SPPL2A: variants seen among roughly 807,000 people sequenced by gnomAD.
SPPL2A encodes signal peptide peptidase like 2A, also known as signal peptide peptidase-like 2A.
A neutral mutation model predicts 63.8 loss-of-function variants in SPPL2A; 51 were observed. That is an observed-to-expected ratio of 0.80 (90% CI 0.64 to 1.01). The LOEUF (loss-of-function observed/expected upper bound fraction) is 1.01. SPPL2A is among the 50% of genes least tolerant of loss of function. SPPL2A has a pLI of 0.00. For synonymous variants in SPPL2A, 188 were observed against 205.8 expected (o/e 0.91, Z 0.74); for missense variants, 553 against 622.7 (o/e 0.89, Z 1.19).
intron 14 of SPPL2A, among the ~76,000 whole-genome samples, chr15:50,715,648 A>C (rs2062594298): frequency 6.6e-6 from 1 of 152,176 alleles, no homozygotes; most frequent in South Asian, 2.1e-4. Context: ...TCCCATTTTT[A>C]CTTTAGACAC....
chr15:50,735,547 A>C (rs2078740391), intron 8 of SPPL2A, among the ~76,000 whole-genome samples: 2 of 33,248 alleles, frequency 6.0e-5, no homozygotes, highest in Non-Finnish European at 1.2e-4. Context: ...ATATACATAC[A>C]CACACACACA....
chr15:50,761,441 C>A (rs2063010682), intron 1 of SPPL2A, among the ~76,000 whole-genome samples: 1 of 151,818 alleles, frequency 6.6e-6, no homozygotes, highest in Non-Finnish European at 1.5e-5. Context: ...TGTGGAGAAA[C>A]CCCCGTCTCT....
At chr15:50,761,362 AC>A (rs1394551719) in intron 1 of SPPL2A, among the ~76,000 whole-genome samples, 3 of 152,104 alleles carry the variant, frequency 2.0e-5, no homozygotes, top group Admixed American at 1.3e-4. Context: ...CACACCTGCA[AC>A]CCCACACTTT....
At chr15:50,735,789 C>T (rs1030087696) in intron 8 of SPPL2A, among the ~76,000 whole-genome samples, 1 of 152,088 alleles carries the variant, frequency 6.6e-6, no homozygotes, top group African/African-American at 2.4e-5. Flanking sequence ...GTTGGTCAGG[C>T]TGGTCTCAAA....
Position 50,736,055 on chromosome 15 carries a change from A to C in SPPL2A, c.932+46T>G, listed in dbSNP as rs149333056. 518 of 1,251,870 alleles carry C rather than the reference A, an allele frequency of 4.1e-4. 3 individuals are homozygous for C. In the African/African-American group the frequency reaches 6.8e-3, roughly 16 times the overall value. The allele number at this position is 1,251,870 out of a possible 1,614,324, so 77.5% of individuals were successfully genotyped here. A position where few individuals can be genotyped will look rare whatever the true frequency, so the allele number is the denominator to read the frequency against. On this transcript the variant is annotated intron_variant, in intron 8 of 14. Coordinates refer to ENST00000261854, the MANE Select transcript of SPPL2A (RefSeq NM_032802.4). ...TAATAAGTATCAGGGCAAGATAGGAAACAATTCATCCTTAATCTAAAAGCA... is the reference window on the plus strand; with the variant it reads ...TAATAAGTATCAGGGCAAGATAGGACACAATTCATCCTTAATCTAAAAGCA...
chr15:50,720,158 T>A lies in SPPL2A; in HGVS notation c.1328-58A>T, dbSNP rs557267576. ...CTACATGTTACCAAAGGTGGGTTTTTTCCTCTGTCATTTATGTACTGGTTT... is the reference window on the plus strand; with the variant it reads ...CTACATGTTACCAAAGGTGGGTTTTATCCTCTGTCATTTATGTACTGGTTT... On this transcript the variant is annotated intron_variant, in intron 13 of 14. Coordinates refer to ENST00000261854, the MANE Select transcript of SPPL2A (RefSeq NM_032802.4). The A allele has an allele frequency of 1.6e-5, 23 of 1,409,498 alleles. No individual in the cohort carries two copies. The African/African-American group carries it at 2.6e-4, about 16-fold the overall frequency. The allele number at this position is 1,409,498 out of a possible 1,614,324, so 87.3% of individuals were successfully genotyped here. A position where few individuals can be genotyped will look rare whatever the true frequency, so the allele number is the denominator to read the frequency against.
chr15:50,731,322 C>T (rs768477516), intron 9 of SPPL2A, among the ~76,000 whole-genome samples: 4 of 150,704 alleles, frequency 2.7e-5, no homozygotes, highest in African/African-American at 4.9e-5. Flanking sequence ...TGAGGCGGGG[C>T]GGATCACGAG....
chr15:50,733,728 C>T (rs1360133396), intron 8 of SPPL2A, among the ~76,000 whole-genome samples: 1 of 151,914 alleles, frequency 6.6e-6, no homozygotes, highest in African/African-American at 2.4e-5. Flanking sequence ...GAAGAAACAA[C>T]CCACAGAATG....
chr15:50,736,283 C>A, intron 7 of SPPL2A, 81 bp from the exon 8 acceptor site: 1 of 838,636 alleles, frequency 1.2e-6, no homozygotes. Context: ...ATATTAACCA[C>A]AGTCATAAGA....
intron 1 of SPPL2A, among the ~76,000 whole-genome samples, chr15:50,760,359 C>T (rs1380800301): frequency 1.3e-5 from 2 of 152,114 alleles, no homozygotes; most frequent in East Asian, 3.8e-4. Flanking sequence ...CTCCTGGGTT[C>T]CAGTGATTCT....
intron 8 of SPPL2A, among the ~76,000 whole-genome samples, chr15:50,733,223 T>A (rs2062744588): frequency 6.6e-6 from 1 of 152,110 alleles, no homozygotes; most frequent in African/African-American, 2.4e-5. Flanking sequence ...ACTTACTCCA[T>A]CAGAAATTGA....
Position 50,749,708 on chromosome 15 carries a change from A to G in SPPL2A, c.105T>C (p.Asn35=). 6.2e-7 allele frequency: 1 copy of G among 1,613,822 alleles called. No homozygotes were observed. The stretch of plus-strand genomic sequence containing the variant: ...GCATGCAGTAGTCCTTGGTTGTGCC[A>G]TTTCCAGACGCATGCAAGATTGCTT... ...AQEAILHASG[N]GTTKDYCMLY... Residue 35 remains asparagine, a synonymous_variant, in exon 2 of 15, where the codon AAT becomes AAC. Coordinates refer to ENST00000261854, the MANE Select transcript of SPPL2A (RefSeq NM_032802.4).
At chr15:50,723,380 G>C (rs947539645) in intron 12 of SPPL2A, among the ~76,000 whole-genome samples, 1 of 152,060 alleles carries the variant, frequency 6.6e-6, no homozygotes, top group Non-Finnish European at 1.5e-5. Context: ...AGCATTATTC[G>C]CAATAGCCAA....
intron 1 of SPPL2A, among the ~76,000 whole-genome samples, chr15:50,759,680 T>C (rs2141063595): frequency 6.6e-6 from 1 of 151,934 alleles, no homozygotes; most frequent in African/African-American, 2.4e-5. Context: ...GAGGCAGAGG[T>C]TGCAGTGAGC....
At chr15:50,747,958 G>A (rs772367419) in intron 4 of SPPL2A, 155 bp downstream of exon 4, 1 of 458,904 alleles carries the variant, frequency 2.2e-6, no homozygotes, top group Non-Finnish European at 3.9e-6. Flanking sequence ...GGTGCCAAAT[G>A]AGAGATGAGT....
intron 1 of SPPL2A, among the ~76,000 whole-genome samples, chr15:50,757,573 T>G (rs1405892467): frequency 5.3e-5 from 8 of 152,158 alleles, no homozygotes; most frequent in African/African-American, 1.9e-4. Flanking sequence ...ACAGAATCTT[T>G]ATATTCAGCA....
intron 12 of SPPL2A, among the ~76,000 whole-genome samples, chr15:50,722,518 G>A (rs1185733281): frequency 2.6e-5 from 4 of 151,896 alleles, no homozygotes; most frequent in Admixed American, 6.6e-5. Flanking sequence ...GTGCAGTGGC[G>A]CGATCTCGGT....
rs1467415498 is a variant in SPPL2A at position 50,714,624 on chromosome 15, T to TC, written c.1488+5315dup. On this transcript the variant is annotated intron_variant, in intron 14 of 14. Coordinates refer to ENST00000261854, the MANE Select transcript of SPPL2A (RefSeq NM_032802.4). ...CCAGCCTGGGCAATAAGAGTGAAACTCCATCTCAAAAAAAAAAAAAAAAAT... is the reference window on the plus strand; with the variant it reads ...CCAGCCTGGGCAATAAGAGTGAAACTCCCATCTCAAAAAAAAAAAAAAAAAT... Among the ~76,000 whole-genome samples the TC allele has an allele frequency of 1.5e-3, 177 of 114,368 alleles. 2 individuals are homozygous for TC. Among genetic ancestry groups the TC allele is most frequent in the African/African-American group, 5.6e-3 (169 of 29,932 alleles). The allele number at this position is 114,368 out of a possible 152,430, so 75.0% of individuals were successfully genotyped here.
chr15:50,759,150 T>G (rs2062987718), intron 1 of SPPL2A, among the ~76,000 whole-genome samples: 1 of 152,136 alleles, frequency 6.6e-6, no homozygotes. Context: ...GCAATCCTCC[T>G]GCCTCAGCCT....
Sources: allele counts gnomAD v4.1 joint callset (sites outside exome capture counted in the v4.1 genomes callset), GRCh38; gene constraint gnomAD v4.1.1; transcripts MANE v1.5; gene names NCBI Gene and HGNC (gene_info 2026-07-23, HGNC 2026-07-21).